Variants in SLC25A21 observed in about 807,000 individuals in gnomAD.
SLC25A21 encodes the protein mitochondrial 2-oxodicarboxylate carrier.
In SLC25A21, 47 loss-of-function variants were observed where a neutral mutation model predicts 43.8. The ratio of observed to expected loss-of-function variants is 1.07; its 90% confidence interval spans 0.85 to 1.37. SLC25A21 has a LOEUF of 1.37. Among genes scored for constraint, SLC25A21 ranks in the 40% most tolerant of loss-of-function variants. The probability of loss-of-function intolerance (pLI) is 0.00; values close to 1 mark genes in which losing one functional copy is unlikely to be tolerated. For synonymous variants in SLC25A21, 131 were observed against 121.3 expected, an observed-to-expected ratio of 1.08 and a Z score of -0.52; for missense variants, 352 against 350.2, an observed-to-expected ratio of 1.00 and a Z score of -0.04.
intron 1 of SLC25A21, among the ~76,000 whole-genome samples, chr14:36,926,106 G>A (rs1892125264): frequency 1.3e-5 from 2 of 152,042 alleles, no homozygotes; most frequent in South Asian, 4.1e-4. Context: ...ACATAGGCTG[G>A]ATCATAAAAT....
At chr14:36,855,964 GAGGCCT>G (rs1233833699) in intron 2 of SLC25A21, among the ~76,000 whole-genome samples, 2 of 152,180 alleles carry the variant, frequency 1.3e-5, no homozygotes, top group African/African-American at 4.8e-5. Flanking sequence ...CTAGTGAGTA[GAGGCCT>G]TAGATCCTGC....
intron 1 of SLC25A21, among the ~76,000 whole-genome samples, chr14:36,943,788 A>G (rs752224236): frequency 5.3e-5 from 8 of 152,244 alleles, no homozygotes; most frequent in Non-Finnish European, 8.8e-5. Context: ...AGGCTTGGAA[A>G]TAAGAACAGG....
chr14:36,921,617 CAA>C (rs1251342764), intron 1 of SLC25A21, among the ~76,000 whole-genome samples: 1 of 152,024 alleles, frequency 6.6e-6, no homozygotes, highest in African/African-American at 2.4e-5. Context: ...CAATAAAATT[CAA>C]AAGACAGCAA....
At chr14:36,873,456 C>T (rs537135707) in intron 2 of SLC25A21, among the ~76,000 whole-genome samples, 12 of 152,054 alleles carry the variant, frequency 7.9e-5, no homozygotes, top group African/African-American at 2.4e-4. Context: ...CCACCATGCC[C>T]GGTTAATTTT....
intron 2 of SLC25A21, among the ~76,000 whole-genome samples, chr14:36,868,379 C>T (rs1890272388): frequency 6.6e-6 from 1 of 152,130 alleles, no homozygotes; most frequent in African/African-American, 2.4e-5. Flanking sequence ...ACATAACTGC[C>T]ATATGTACAG....
Position 36,776,230 on chromosome 14 carries a change from C to CTTTTTTTTTTTTTTTTTTTTT in SLC25A21, c.203+37687_203+37688insAAAAAAAAAAAAAAAAAAAAA, listed in dbSNP as rs1328087696. Among the ~76,000 whole-genome samples the CTTTTTTTTTTTTTTTTTTTTT allele has an allele frequency of 3.7e-4, 26 of 70,786 alleles. 2 individuals are homozygous for CTTTTTTTTTTTTTTTTTTTTT. The highest frequency in any genetic ancestry group is 6.6e-4 in the Admixed American group (4 of 6,044). The allele number at this position is 70,786 out of a possible 152,430, so 46.4% of individuals were successfully genotyped here. On this transcript the variant is annotated intron_variant, in intron 3 of 9. Transcript: ENST00000331299. ...ACTGCTTTCTTTTTTCTTTTTCTTTCTTTCTTTCTTTTTTTTTTTTTTTTG... is the reference window on the plus strand; with the variant it reads ...ACTGCTTTCTTTTTTCTTTTTCTTTCTTTTTTTTTTTTTTTTTTTTTTTTCTTTCTTTTTTTTTTTTTTTTG...
At chr14:36,961,375 C>G (rs138948285) in intron 1 of SLC25A21, among the ~76,000 whole-genome samples, 2,476 of 152,176 alleles carry the variant, frequency 0.016, 29 homozygotes, top group Middle Eastern at 0.037. Context: ...CCGCGCCCAG[C>G]TAATTTTTTG....
intron 1 of SLC25A21, among the ~76,000 whole-genome samples, chr14:37,052,858 G>T (rs760526768): frequency 6.6e-5 from 10 of 152,066 alleles, no homozygotes; most frequent in Non-Finnish European, 1.3e-4. Flanking sequence ...GACTGATTTC[G>T]AACTCCTGGC....
chr14:36,932,035 C>T (rs1892309494), intron 1 of SLC25A21, among the ~76,000 whole-genome samples: 1 of 152,070 alleles, frequency 6.6e-6, no homozygotes, highest in African/African-American at 2.4e-5. Flanking sequence ...ACCATGGATT[C>T]TCTGTGTGAT....
At chr14:37,006,938 AAAAC>A (rs1181301047) in intron 1 of SLC25A21, among the ~76,000 whole-genome samples, 7 of 152,284 alleles carry the variant, frequency 4.6e-5, no homozygotes, top group East Asian at 1.9e-4. Context: ...ACAATCTCCT[AAAAC>A]AAACAAACAA....
chr14:36,844,083 G>A (rs368636203), intron 2 of SLC25A21, among the ~76,000 whole-genome samples: 1 of 152,166 alleles, frequency 6.6e-6, no homozygotes, highest in African/African-American at 2.4e-5. Context: ...GTCACATTAG[G>A]AGGCACGAAG....
At chr14:37,144,326 T>C (rs1036067358) in intron 1 of SLC25A21, among the ~76,000 whole-genome samples, 13 of 152,358 alleles carry the variant, frequency 8.5e-5, no homozygotes, top group African/African-American at 3.1e-4. Context: ...TCAAAAAATG[T>C]TATGCAATTT....
chr14:36,928,899 T>C (rs575493176), intron 1 of SLC25A21, among the ~76,000 whole-genome samples: 9 of 152,266 alleles, frequency 5.9e-5, no homozygotes, highest in Non-Finnish European at 1.2e-4. Flanking sequence ...TTAAAGGGAA[T>C]TGAAGAAAGA....
At chr14:37,054,518 C>T (rs935732939) in intron 1 of SLC25A21, among the ~76,000 whole-genome samples, 15 of 152,106 alleles carry the variant, frequency 9.9e-5, no homozygotes, top group African/African-American at 3.1e-4. Flanking sequence ...AAACCTAAAA[C>T]ATGTGGCATT....
chr14:36,758,854 C>T (rs943887378), intron 3 of SLC25A21, among the ~76,000 whole-genome samples: 1 of 152,128 alleles, frequency 6.6e-6, no homozygotes, highest in African/African-American at 2.4e-5. Context: ...AGAGCAGAGG[C>T]GTCCAGGAGA....
chr14:37,062,947 G>T (rs1961980192), intron 1 of SLC25A21, among the ~76,000 whole-genome samples: 1 of 152,082 alleles, frequency 6.6e-6, no homozygotes, highest in Non-Finnish European at 1.5e-5. Context: ...ATAAAGGAAA[G>T]AGTTTTAATT....
chr14:37,034,962 A>C (rs1961297394), intron 1 of SLC25A21, among the ~76,000 whole-genome samples: 1 of 152,076 alleles, frequency 6.6e-6, no homozygotes, highest in Admixed American at 6.5e-5. Context: ...CTAAGGCTAG[A>C]CTCCTGGGGT....
chr14:36,893,984 G>A (rs1891163922), intron 1 of SLC25A21, among the ~76,000 whole-genome samples: 1 of 152,166 alleles, frequency 6.6e-6, no homozygotes, highest in Non-Finnish European at 1.5e-5. Flanking sequence ...GATGCCTCCA[G>A]CTTTGTTCTT....
chr14:37,002,948 C>T (rs925842676), intron 1 of SLC25A21, among the ~76,000 whole-genome samples: 6 of 152,128 alleles, frequency 3.9e-5, no homozygotes, highest in African/African-American at 1.4e-4. Flanking sequence ...CTAAGGTTAT[C>T]AGTAATTCCT....
Sources: allele counts gnomAD v4.1 joint callset (sites outside exome capture counted in the v4.1 genomes callset), GRCh38; gene constraint gnomAD v4.1.1; transcripts MANE v1.5; gene names NCBI Gene and HGNC (gene_info 2026-07-23, HGNC 2026-07-21).